Variants in GTF2IRD1 observed in about 807,000 individuals in gnomAD.
GTF2IRD1 encodes GTF2I repeat domain containing 1.
A neutral mutation model predicts 113.2 loss-of-function variants in GTF2IRD1; 26 were observed. The observed-to-expected ratio is 0.23, with a 90% CI of 0.17 to 0.32. The LOEUF is 0.32. Ranked by LOEUF, GTF2IRD1 falls within the 10% of genes least tolerant of loss-of-function variation. The pLI is 1.00. For synonymous variants in GTF2IRD1, 484 were observed against 529.1 expected, an observed-to-expected ratio of 0.91 and a Z score of 1.17; for missense variants, 864 against 1,280.8, an observed-to-expected ratio of 0.67 and a Z score of 4.97.
intron 22 of GTF2IRD1, among the ~76,000 whole-genome samples, chr7:74,566,380 T>TC (rs1380152061): frequency 6.6e-6 from 1 of 151,470 alleles, no homozygotes; most frequent in Non-Finnish European, 1.5e-5. Flanking sequence ...TCTCGCTCTG[T>TC]CCCCCAGGCT....
chr7:74,464,987 G>A (rs902953666), intron 1 of GTF2IRD1, among the ~76,000 whole-genome samples: 3 of 152,168 alleles, frequency 2.0e-5, no homozygotes. Flanking sequence ...GCTCCTTGCA[G>A]CAGACAAGAC....
intron 24 of GTF2IRD1, among the ~76,000 whole-genome samples, chr7:74,591,370 TTC>T (rs1186288268): frequency 6.7e-6 from 1 of 149,326 alleles, no homozygotes; most frequent in Non-Finnish European, 1.5e-5. Context: ...GTCTCAGTGA[TTC>T]TCTTTTTTTT....
intron 2 of GTF2IRD1, among the ~76,000 whole-genome samples, chr7:74,509,989 T>A (rs997565363): frequency 1.6e-4 from 24 of 152,052 alleles, no homozygotes; most frequent in African/African-American, 5.3e-4. Flanking sequence ...AAGACCAGTT[T>A]TTAGAGCGAA....
chr7:74,475,651 A>G (rs1211978891), intron 1 of GTF2IRD1, among the ~76,000 whole-genome samples: 2 of 152,214 alleles, frequency 1.3e-5, no homozygotes, highest in Non-Finnish European at 2.9e-5. Context: ...AGGCTCGGGC[A>G]AGCCCAGGTT....
intron 25 of GTF2IRD1, 36 bp downstream of exon 25, chr7:74,595,087 G>T (rs201526368): frequency 2.0e-6 from 3 of 1,491,836 alleles, no homozygotes; most frequent in Non-Finnish European, 1.9e-6. Context: ...CTTCTGCTCC[G>T]TGGGGACTAG....
intron 8 of GTF2IRD1, among the ~76,000 whole-genome samples, chr7:74,525,144 C>T (rs1554346960): frequency 6.6e-6 from 1 of 152,202 alleles, no homozygotes; most frequent in East Asian, 1.9e-4. Context: ...CACACCATTT[C>T]CCACCTCCCA....
In GTF2IRD1 at chr7:74,515,422, C is replaced by T. The variant is rs375445400; in HGVS notation, c.266-19C>T. On this transcript the variant is annotated intron_variant, in intron 3 of 26. Transcript: ENST00000424337. Reference sequence around the variant, plus strand: ...GAGACGGGTGCTCACTGTGGCCTCGCGTGCTCTGTGTCCCACAGGAGGGCC... The same window carrying T: ...GAGACGGGTGCTCACTGTGGCCTCGTGTGCTCTGTGTCCCACAGGAGGGCC... 34 of 1,564,598 alleles carry T rather than the reference C, an allele frequency of 2.2e-5. No individual in the cohort carries two copies. Among genetic ancestry groups the T allele is most frequent in the Admixed American group, 1.7e-4 (9 of 52,674 alleles).
At chr7:74,582,182 G>A (rs1298165278) in intron 22 of GTF2IRD1, among the ~76,000 whole-genome samples, 2 of 152,212 alleles carry the variant, frequency 1.3e-5, no homozygotes, top group African/African-American at 4.8e-5. Flanking sequence ...GAGCCCAACA[G>A]GAATATCTGT....
At chr7:74,538,418 AC>A (rs1798427594) in intron 12 of GTF2IRD1, among the ~76,000 whole-genome samples, 2 of 152,164 alleles carry the variant, frequency 1.3e-5, no homozygotes, top group African/African-American at 4.8e-5. Context: ...CGATGCCCAG[AC>A]CCAGGCTGCA....
intron 1 of GTF2IRD1, among the ~76,000 whole-genome samples, chr7:74,463,878 C>T (rs1226642861): frequency 6.6e-6 from 1 of 152,144 alleles, no homozygotes; most frequent in Non-Finnish European, 1.5e-5. Context: ...TGCGTGCCAC[C>T]ACACCCGACT....
Position 74,544,919 on chromosome 7 carries a change from C to T in GTF2IRD1, c.1666+117C>T. The T allele has an allele frequency of 5.4e-6, 4 of 745,538 alleles. No homozygotes were observed. In the South Asian group the frequency reaches 6.8e-5, roughly 13 times the overall value. 46.2% of individuals were successfully genotyped at this position (745,538 alleles called of 1,614,324 possible). A position where few individuals can be genotyped will look rare whatever the true frequency, so the allele number is the denominator to read the frequency against. The stretch of plus-strand genomic sequence containing the variant: ...TCGTTCTCTCCACCTCATCTCTCTC[C>T]AGCACCCTGGTGTGGGGGTGGGAAT... On this transcript the variant is annotated intron_variant, in intron 15 of 26. Coordinates refer to ENST00000424337, the MANE Select transcript of GTF2IRD1 (RefSeq NM_005685.4).
intron 25 of GTF2IRD1, among the ~76,000 whole-genome samples, chr7:74,599,430 G>A (rs1000623806): frequency 6.6e-6 from 1 of 152,124 alleles, no homozygotes; most frequent in Admixed American, 6.6e-5. Flanking sequence ...GCTGAACTAG[G>A]TGCTGGGTTC....
Position 74,521,308 on chromosome 7 carries a change from G to GCCCACGAAGCA in GTF2IRD1, c.1006+15_1006+25dup, listed in dbSNP as rs1182244382. The GCCCACGAAGCA allele has an allele frequency of 1.4e-5, 21 of 1,544,656 alleles. No homozygotes were observed. The highest frequency in any genetic ancestry group is 1.9e-5 in the Non-Finnish European group (21 of 1,117,512). On this transcript the variant is annotated intron_variant, in intron 7 of 26. Coordinates refer to ENST00000424337, the MANE Select transcript of GTF2IRD1 (RefSeq NM_005685.4). The stretch of plus-strand genomic sequence containing the variant: ...TCCATGACAAGTCAGGTAGGACAGC[G>GCCCACGAAGCA]CCCACGAAGCACCCCGGCCTGAGTG...
chr7:74,580,380 TG>T (rs1801344626), intron 22 of GTF2IRD1, among the ~76,000 whole-genome samples: 4 of 152,098 alleles, frequency 2.6e-5, no homozygotes, highest in Admixed American at 6.6e-5. Context: ...CTGCTGTGAA[TG>T]GTCGTAATTA....
rs907511780 is a variant in GTF2IRD1 at position 74,512,740 on chromosome 7, T to C, written c.124-90T>C. The C allele has an allele frequency of 7.1e-6, 9 of 1,270,844 alleles. No homozygotes were observed. The highest frequency in any genetic ancestry group is 2.0e-5 in the Admixed American group (1 of 49,698). 78.7% of individuals were successfully genotyped at this position (1,270,844 alleles called of 1,614,324 possible). ...AGCTGCTGCTGGGGTCTCAGGCAGC[T>C]GGGAGCTCACATCCCACCCCCGAAG... On this transcript the variant is annotated intron_variant, in intron 2 of 26. Coordinates refer to ENST00000424337, the MANE Select transcript of GTF2IRD1 (RefSeq NM_005685.4). The surrounding 1 kb of genome is among the most constrained non-coding windows in gnomAD (Gnocchi z 4.4).
At chr7:74,552,457 A>G (rs1554355293) in intron 17 of GTF2IRD1, among the ~76,000 whole-genome samples, 2 of 152,186 alleles carry the variant, frequency 1.3e-5, no homozygotes, top group Non-Finnish European at 2.9e-5. Flanking sequence ...CAGAGGTTGC[A>G]GTGAGCTGAG....
chr7:74,524,213 C>A, intron 8 of GTF2IRD1, 59 bp downstream of exon 8: 4 of 1,051,200 alleles, frequency 3.8e-6, no homozygotes, highest in Non-Finnish European at 4.1e-6. Context: ...CATCTCATTA[C>A]GTGGCAATCA....
chr7:74,484,776 C>T (rs556529455), intron 1 of GTF2IRD1, among the ~76,000 whole-genome samples: 5 of 152,112 alleles, frequency 3.3e-5, no homozygotes, highest in African/African-American at 4.8e-5. Flanking sequence ...CTTTTTAAGG[C>T]TCAGTAATAT....
intron 22 of GTF2IRD1, among the ~76,000 whole-genome samples, chr7:74,570,944 G>A (rs1258990212): frequency 6.6e-6 from 1 of 152,202 alleles, no homozygotes; most frequent in African/African-American, 2.4e-5. Context: ...GCTCCTCCCT[G>A]CGTATGGGCC....
Sources: allele counts gnomAD v4.1 joint callset (sites outside exome capture counted in the v4.1 genomes callset), GRCh38; gene constraint gnomAD v4.1.1; non-coding constraint Gnocchi (gnomAD v3.1); transcripts MANE v1.5; gene names NCBI Gene and HGNC (gene_info 2026-07-23, HGNC 2026-07-21).